Variants in RALYL observed in about 807,000 individuals in gnomAD.
RALYL encodes RALY RNA binding protein like.
A neutral mutation model predicts 35.1 loss-of-function variants in RALYL; 29 were observed. The ratio of observed to expected loss-of-function variants is 0.83; its 90% CI spans 0.61 to 1.13. The LOEUF (loss-of-function observed/expected upper bound fraction) is 1.13, where lower values mean the gene tolerates loss of function less well. Ranked by LOEUF, RALYL falls within the 50% of genes most tolerant of loss-of-function variation. RALYL has a pLI of 0.00. For synonymous variants in RALYL, 120 were observed against 127.6 expected, an observed-to-expected ratio of 0.94 and a Z score of 0.40; for missense variants, 359 against 360.4, an observed-to-expected ratio of 1.00 and a Z score of 0.03.
chr8:84,301,402 G>A (rs1162073436), intron 1 of RALYL, among the ~76,000 whole-genome samples: 1 of 152,080 alleles, frequency 6.6e-6, no homozygotes, highest in Non-Finnish European at 1.5e-5. Flanking sequence ...GGAGGTCTCT[G>A]CATTTCCTGA....
At chr8:84,192,126 A>G (rs1814042246) in intron 1 of RALYL, among the ~76,000 whole-genome samples, 1 of 152,248 alleles carries the variant, frequency 6.6e-6, no homozygotes, top group South Asian at 2.1e-4. Flanking sequence ...TAAAGGCTAT[A>G]GTGCCATTTG....
chr8:84,692,990 T>C (rs1488594472), intron 2 of RALYL, among the ~76,000 whole-genome samples: 1 of 152,008 alleles, frequency 6.6e-6, no homozygotes, highest in East Asian at 1.9e-4. Context: ...TCTCCTGAAA[T>C]CTTCATAAAT....
At chr8:84,563,097 TG>T (rs1372173954) in intron 2 of RALYL, among the ~76,000 whole-genome samples, 2 of 151,906 alleles carry the variant, frequency 1.3e-5, no homozygotes, top group African/African-American at 4.8e-5. Flanking sequence ...GGATCTCTTC[TG>T]GCTCCGAGAA....
chr8:84,192,375 C>T (rs1814107507), intron 1 of RALYL, among the ~76,000 whole-genome samples: 1 of 152,094 alleles, frequency 6.6e-6, no homozygotes, highest in Admixed American at 6.5e-5. Context: ...GGACTAAAGA[C>T]AAACAAATGC....
intron 1 of RALYL, among the ~76,000 whole-genome samples, chr8:84,359,340 A>G (rs1267872710): frequency 6.6e-6 from 1 of 151,874 alleles, no homozygotes; most frequent in South Asian, 2.1e-4. Context: ...TAAGTTAACC[A>G]TCTATCCTTG....
chr8:84,597,587 G>A (rs536472000), intron 2 of RALYL, among the ~76,000 whole-genome samples: 1 of 152,010 alleles, frequency 6.6e-6, no homozygotes, highest in Non-Finnish European at 1.5e-5. Flanking sequence ...CTAAAGTAGG[G>A]ATCAGCAAAC....
chr8:84,354,915 C>T (rs894936294), intron 1 of RALYL, among the ~76,000 whole-genome samples: 3 of 150,338 alleles, frequency 2.0e-5, no homozygotes, highest in African/African-American at 5.0e-5. Flanking sequence ...CACCTTCCTG[C>T]GAGAAACCCT....
chr8:84,883,327 T>C lies in RALYL; in HGVS notation c.686-4277T>C, dbSNP rs548613140. ...ACAAAAAATAGAGTAACTATGTCTATGTACTATATACTGTATTAGTTTGTT... is the reference window on the plus strand; with the variant it reads ...ACAAAAAATAGAGTAACTATGTCTACGTACTATATACTGTATTAGTTTGTT... On this transcript the variant is annotated intron_variant, in intron 7 of 8. Coordinates refer to ENST00000521268, the MANE Select transcript of RALYL (RefSeq NM_173848.7). Among the ~76,000 whole-genome samples, 17 of 152,196 alleles carry C rather than the reference T, an allele frequency of 1.1e-4. No homozygotes were observed. The East Asian group carries it at 3.3e-3, about 29-fold the overall frequency.
intron 2 of RALYL, among the ~76,000 whole-genome samples, chr8:84,565,105 C>T (rs2061693701): frequency 6.6e-6 from 1 of 151,494 alleles, no homozygotes; most frequent in Non-Finnish European, 1.5e-5. Flanking sequence ...GTTTTATCCA[C>T]CTTCTGGTGA....
chr8:84,710,654 T>C (rs768251804), intron 2 of RALYL, among the ~76,000 whole-genome samples: 1 of 152,154 alleles, frequency 6.6e-6, no homozygotes, highest in Admixed American at 6.6e-5. Flanking sequence ...GTCTTATATA[T>C]AGAAAATTAT....
chr8:84,422,855 G>A (rs1166302446), intron 1 of RALYL, among the ~76,000 whole-genome samples: 205 of 147,280 alleles, frequency 1.4e-3, no homozygotes, highest in East Asian at 7.3e-3. Context: ...GTAGTTGAGC[G>A]GCTTTGAGTG....
chr8:84,794,968 C>A (rs1041920649), intron 3 of RALYL, among the ~76,000 whole-genome samples: 28 of 152,284 alleles, frequency 1.8e-4, no homozygotes, highest in African/African-American at 6.3e-4. Context: ...TGGTTGATAC[C>A]ACAGCCATCC....
Position 84,541,614 on chromosome 8 carries a change from T to C in RALYL, c.256+12037T>C, listed in dbSNP as rs900461568. ...ATCGCTAACTGAATTACTCTGACCTTCCGCATCGTTACTGATTTTTGTCCT... is the reference window on the plus strand; with the variant it reads ...ATCGCTAACTGAATTACTCTGACCTCCCGCATCGTTACTGATTTTTGTCCT... On this transcript the variant is annotated intron_variant, in intron 2 of 8. Transcript: ENST00000521268. Among the ~76,000 whole-genome samples, 6 of 152,038 alleles carry C rather than the reference T, an allele frequency of 3.9e-5. No homozygotes were observed. The East Asian group carries it at 9.6e-4, about 24-fold the overall frequency.
intron 1 of RALYL, among the ~76,000 whole-genome samples, chr8:84,344,481 A>G (rs1212468660): frequency 2.0e-5 from 3 of 152,002 alleles, no homozygotes; most frequent in Non-Finnish European, 1.5e-5. Context: ...TTAGTTTGAC[A>G]TAGTAACACC....
intron 2 of RALYL, among the ~76,000 whole-genome samples, chr8:84,568,760 G>A (rs1807114754): frequency 2.2e-5 from 3 of 135,172 alleles, no homozygotes; most frequent in African/African-American, 5.7e-5. Context: ...GTGTGAGATG[G>A]TATCTCATTG....
chr8:84,365,985 T>C (rs1205532997), intron 1 of RALYL, among the ~76,000 whole-genome samples: 1 of 152,210 alleles, frequency 6.6e-6, no homozygotes, highest in Non-Finnish European at 1.5e-5. Flanking sequence ...CTGTAGCTTC[T>C]GTTGTAATCA....
intron 5 of RALYL, among the ~76,000 whole-genome samples, chr8:84,861,983 T>C (rs1838190955): frequency 6.6e-6 from 1 of 152,250 alleles, no homozygotes; most frequent in Non-Finnish European, 1.5e-5. Flanking sequence ...TATTTAGGAA[T>C]GAAGGTCAGC....
chr8:84,199,074 G>A (rs571275482), intron 1 of RALYL, among the ~76,000 whole-genome samples: 6 of 152,218 alleles, frequency 3.9e-5, no homozygotes, highest in East Asian at 3.9e-4. Flanking sequence ...CCTCCAAACC[G>A]TTTTCCATAG....
At chr8:84,572,513 G>T (rs1808258299) in intron 2 of RALYL, among the ~76,000 whole-genome samples, 1 of 151,686 alleles carries the variant, frequency 6.6e-6, no homozygotes, top group African/African-American at 2.4e-5. Context: ...CTTAGTGTTT[G>T]CTTGTCTGGG....
Sources: gnomAD v4.1 joint callset for allele counts (sites outside exome capture counted in the v4.1 genomes callset) on GRCh38, gnomAD v4.1.1 for gene constraint, MANE v1.5 for transcripts, NCBI Gene and HGNC (gene_info 2026-07-23, HGNC 2026-07-21) for gene names.